ITFG1: variants seen among roughly 807,000 people sequenced by gnomAD.
The protein encoded by ITFG1 is integrin alpha FG-GAP repeat containing 1.
A neutral mutation model predicts 81.8 loss-of-function variants in ITFG1; 34 were observed. The observed-to-expected ratio is 0.42, with a 90% CI of 0.32 to 0.55. ITFG1 has a LOEUF of 0.55. ITFG1 is among the 20% of genes least tolerant of loss of function. The pLI is 0.17. For missense variants in ITFG1, 672 were observed against 755.4 expected (o/e 0.89, Z 1.29); for synonymous variants, 285 against 270.6 (o/e 1.05, Z -0.52).
intron 14 of ITFG1, among the ~76,000 whole-genome samples, chr16:47,165,909 A>T (rs1397908587): frequency 3.3e-5 from 5 of 152,228 alleles, no homozygotes; most frequent in Non-Finnish European, 5.9e-5. Flanking sequence ...CTACTAGCAA[A>T]GACTGACTTA....
chr16:47,301,157 G>A (rs1258280477), intron 10 of ITFG1, among the ~76,000 whole-genome samples: 4 of 152,152 alleles, frequency 2.6e-5, no homozygotes, highest in Admixed American at 2.6e-4. Flanking sequence ...ACACAGATCA[G>A]TGAACAAAAC....
chr16:47,247,933 T>TGAGAG (rs1966022062), intron 12 of ITFG1, among the ~76,000 whole-genome samples: 2 of 152,144 alleles, frequency 1.3e-5, no homozygotes, highest in South Asian at 4.1e-4. Context: ...GGATCATGGA[T>TGAGAG]GATGCATCCT....
intron 10 of ITFG1, among the ~76,000 whole-genome samples, chr16:47,302,308 G>T (rs1172344135): frequency 1.3e-5 from 2 of 151,526 alleles, no homozygotes; most frequent in East Asian, 3.9e-4. Context: ...CATAAGCACT[G>T]CTCCCAAATA....
intron 8 of ITFG1, among the ~76,000 whole-genome samples, chr16:47,336,671 A>G (rs1967707896): frequency 6.6e-6 from 1 of 152,174 alleles, no homozygotes; most frequent in South Asian, 2.1e-4. Context: ...GAAATTCGTT[A>G]AGAAATTAGG....
intron 6 of ITFG1, among the ~76,000 whole-genome samples, chr16:47,397,441 T>C (rs1342433668): frequency 2.0e-5 from 3 of 152,160 alleles, no homozygotes; most frequent in Non-Finnish European, 2.9e-5. Context: ...TTAGAGGAAA[T>C]AGCATTTGAG....
intron 7 of ITFG1, among the ~76,000 whole-genome samples, chr16:47,373,092 C>A (rs1400672913): frequency 1.3e-5 from 2 of 152,082 alleles, no homozygotes; most frequent in Non-Finnish European, 2.9e-5. Context: ...TCTTGCTGAT[C>A]TTGTATAAAC....
At chr16:47,338,276 T>C (rs1483412741) in intron 8 of ITFG1, among the ~76,000 whole-genome samples, 1 of 152,008 alleles carries the variant, frequency 6.6e-6, no homozygotes, top group African/African-American at 2.4e-5. Context: ...CCAGGAGCGG[T>C]GGCAGGCGCG....
At chr16:47,337,137 C>CAAA (rs5816576) in intron 8 of ITFG1, among the ~76,000 whole-genome samples, 5 of 81,050 alleles carry the variant, frequency 6.2e-5, no homozygotes, top group African/African-American at 1.2e-4. Context: ...AACTCTGTCT[C>CAAA]AAAAAAAAAA....
intron 8 of ITFG1, among the ~76,000 whole-genome samples, chr16:47,357,508 G>A (rs188465747): frequency 3.3e-5 from 5 of 151,630 alleles, no homozygotes; most frequent in South Asian, 2.1e-4. Context: ...CCAGCGACCC[G>A]GGAGGCTGAG....
At chr16:47,260,482 G>A (rs772649971) in intron 11 of ITFG1, 63 bp downstream of exon 11, 2 of 1,549,780 alleles carry the variant, frequency 1.3e-6, no homozygotes, top group Admixed American at 1.7e-5. Flanking sequence ...ATGGAATGAA[G>A]CTAAAGTGTG....
intron 8 of ITFG1, among the ~76,000 whole-genome samples, chr16:47,347,343 C>T (rs563239988): frequency 6.6e-6 from 1 of 152,242 alleles, no homozygotes; most frequent in African/African-American, 2.4e-5. Flanking sequence ...GTCACTCCCA[C>T]CCTAATACCG....
chr16:47,432,087 A>T (rs893164576), intron 5 of ITFG1, among the ~76,000 whole-genome samples: 1 of 152,210 alleles, frequency 6.6e-6, no homozygotes, highest in Non-Finnish European at 1.5e-5. Flanking sequence ...TGACTCATCA[A>T]TATCTGTAGC....
At chr16:47,236,397 C>T (rs1965873911) in intron 13 of ITFG1, among the ~76,000 whole-genome samples, 1 of 151,630 alleles carries the variant, frequency 6.6e-6, no homozygotes, top group Admixed American at 6.6e-5. Context: ...ATGGCGTGAG[C>T]CCCGGAGGCG....
At chr16:47,394,225 G>T (rs1292177362) in intron 6 of ITFG1, among the ~76,000 whole-genome samples, 1 of 152,182 alleles carries the variant, frequency 6.6e-6, no homozygotes, top group African/African-American at 2.4e-5. Flanking sequence ...AAGCCATCTG[G>T]AAGATACAGT....
chr16:47,394,865 C>T (rs1248536028), intron 6 of ITFG1, among the ~76,000 whole-genome samples: 1 of 152,096 alleles, frequency 6.6e-6, no homozygotes, highest in Non-Finnish European at 1.5e-5. Context: ...CATGTTACTC[C>T]ATGACTTCAG....
At chr16:47,432,190 C>T (rs1969104236) in intron 5 of ITFG1, among the ~76,000 whole-genome samples, 1 of 152,190 alleles carries the variant, frequency 6.6e-6, no homozygotes, top group African/African-American at 2.4e-5. Flanking sequence ...CTATTCTTCT[C>T]TACTGCAGTT....
intron 5 of ITFG1, among the ~76,000 whole-genome samples, chr16:47,445,657 C>T (rs1969315873): frequency 6.6e-6 from 1 of 152,180 alleles, no homozygotes; most frequent in South Asian, 2.1e-4. Flanking sequence ...TTAATCTTAG[C>T]TAGTCCCATG....
chr16:47,435,144 G>A (rs967892709), intron 5 of ITFG1, among the ~76,000 whole-genome samples: 3 of 152,100 alleles, frequency 2.0e-5, no homozygotes, highest in Non-Finnish European at 2.9e-5. Context: ...ATTTACCTGT[G>A]TAACAAACAT....
intron 10 of ITFG1, among the ~76,000 whole-genome samples, chr16:47,294,637 C>T (rs1966955955): frequency 6.6e-6 from 1 of 151,884 alleles, no homozygotes; most frequent in Non-Finnish European, 1.5e-5. Flanking sequence ...AATGAAACTG[C>T]CTTCTTGATT....
Sources: allele counts gnomAD v4.1 joint callset (sites outside exome capture counted in the v4.1 genomes callset), GRCh38; gene constraint gnomAD v4.1.1; transcripts MANE v1.5; gene names NCBI Gene and HGNC (gene_info 2026-07-23, HGNC 2026-07-21).